The following SCRIB variants were observed in gnomAD, a reference collection of about 807,000 sequenced individuals.
The protein encoded by SCRIB is scribble planar cell polarity protein, also known as protein scribble homolog.
Under a neutral mutation model 170.0 loss-of-function variants are expected in SCRIB, and 72 were observed. That is an observed-to-expected ratio of 0.42 (90% CI 0.35 to 0.52). The LOEUF is 0.52. SCRIB is among the 20% of genes least tolerant of loss of function. The pLI, the probability that SCRIB is intolerant of heterozygous loss-of-function variation, is 0.02. For missense variants in SCRIB, 2,475 were observed against 2,338.5 expected, an observed-to-expected ratio of 1.06 and a Z score of -1.20; for synonymous variants, 1,298 against 1,044.3, an observed-to-expected ratio of 1.24 and a Z score of -4.68.
intron 27 of SCRIB, among the ~76,000 whole-genome samples, chr8:143,794,599 A>T (rs11993154): frequency 6.6e-6 from 1 of 151,722 alleles, no homozygotes; most frequent in Non-Finnish European, 1.5e-5. Flanking sequence ...TGTATCTCTA[A>T]GGGGAGGGAT....
intron 14 of SCRIB, among the ~76,000 whole-genome samples, 180 bp from the exon 15 acceptor site, chr8:143,809,205 G>A (rs1344862275): frequency 6.6e-6 from 1 of 152,184 alleles, no homozygotes; most frequent in Non-Finnish European, 1.5e-5. Context: ...AAGGCCAGGG[G>A]CTCATCCTGG....
chr8:143,813,858 C>T lies in SCRIB; in HGVS notation c.316G>A (p.Ala106Thr). The change falls in exon 3 of 37, where the codon GCT (alanine) becomes ACT (threonine). Residue 106 changes from alanine (A) to threonine (T), a missense_variant. Around this residue, in one of 3 missense-constraint regions of SCRIB, gnomAD observed 487 missense variants for 558.1 expected, o/e 0.87. Coordinates refer to ENST00000356994, the MANE Select transcript of SCRIB (RefSeq NM_182706.5). ...EIPESIKFCKALEIADFSGNP... is the reference protein window; with the variant it reads ...EIPESIKFCKTLEIADFSGNP... ...CCGCTGAAGTCCGCGATCTCCAGAGCCTTGCAGAACTTGATGCTCTCCGGG... is the reference window on the plus strand; with the variant it reads ...CCGCTGAAGTCCGCGATCTCCAGAGTCTTGCAGAACTTGATGCTCTCCGGG... 6.2e-7 allele frequency: 1 copy of T among 1,609,660 alleles called. No individual in the cohort carries two copies. The highest frequency in any genetic ancestry group is 8.5e-7 in the Non-Finnish European group (1 of 1,177,234).
rs781972984 is a variant in SCRIB at position 143,791,915 on chromosome 8, TG to T, written c.4658-3del. 2.8e-6 allele frequency: 4 copies of T among 1,413,218 alleles called. No homozygotes were observed. Among genetic ancestry groups the T allele is most frequent in the East Asian group, 2.7e-5 (1 of 37,444 alleles). 87.5% of individuals were successfully genotyped at this position (1,413,218 alleles called of 1,614,324 possible). A position where few individuals can be genotyped will look rare whatever the true frequency, so the allele number is the denominator to read the frequency against. On this transcript the variant is annotated splice_polypyrimidine_tract_variant and splice_region_variant and intron_variant, in intron 33 of 36. Transcript: ENST00000356994. ...AGGTGCTGGTCTGGGGGCCGAGGTC[TG>T]GGGGGACAAGAAGCGGGCATTGGAA...
At chr8:143,794,229 G>A (rs975180638) in intron 27 of SCRIB, 4 of 485,586 alleles carry the variant, frequency 8.2e-6, no homozygotes, top group Non-Finnish European at 1.5e-5. Flanking sequence ...GGAGCAGACA[G>A]GACAGCCGGA....
In SCRIB at chr8:143,812,260, C is replaced by G; in HGVS notation, c.906+6G>C. 6.3e-7 allele frequency: 1 copy of G among 1,580,838 alleles called. No individual in the cohort carries two copies. The highest frequency in any genetic ancestry group is 8.7e-7 in the Non-Finnish European group (1 of 1,149,754). On this transcript the variant is annotated splice_donor_region_variant and intron_variant, in intron 9 of 36. Transcript: ENST00000356994. ...CATCCTTTCTGCCTCCCAAGCCAGACCCTACCATCAGCAGGTTCTCCGTGA... is the reference window on the plus strand; with the variant it reads ...CATCCTTTCTGCCTCCCAAGCCAGAGCCTACCATCAGCAGGTTCTCCGTGA...
chr8:143,801,927 A>G (rs1211029358), intron 24 of SCRIB, among the ~76,000 whole-genome samples: 1 of 152,194 alleles, frequency 6.6e-6, no homozygotes, highest in Admixed American at 6.5e-5. Flanking sequence ...GGCCAGATGC[A>G]AGGACAACCT....
At position 143,804,325 on chromosome 8, in the gene SCRIB, C is replaced by T. The variant is rs892857778; in HGVS notation, c.3010-169G>A. Among the ~76,000 whole-genome samples, 5 of 152,242 alleles carry T rather than the reference C, an allele frequency of 3.3e-5. No homozygotes were observed. The South Asian group carries it at 6.2e-4, about 19-fold the overall frequency. On this transcript the variant is annotated intron_variant, in intron 21 of 36. Coordinates refer to ENST00000356994, the MANE Select transcript of SCRIB (RefSeq NM_182706.5). Reference sequence around the variant, plus strand: ...TTCTGCTGCCCAGGCAGGCACGCAGCGTGAGGACAATATCCTCGCTGACTG... The same window carrying T: ...TTCTGCTGCCCAGGCAGGCACGCAGTGTGAGGACAATATCCTCGCTGACTG...
In SCRIB at chr8:143,791,785, G is replaced by C. The variant is rs782685432; in HGVS notation, c.4696-45C>G. On this transcript the variant is annotated intron_variant, in intron 34 of 36. Coordinates refer to ENST00000356994, the MANE Select transcript of SCRIB (RefSeq NM_182706.5). ...GGGAGAGGCAGAGAGTGAGAGGAAA[G>C]GGGGGGATGAGGGCCACGGGGGTGG... The C allele has an allele frequency of 4.0e-6, 6 of 1,503,520 alleles. No homozygotes were observed. In the African/African-American group the frequency reaches 6.9e-5, roughly 17 times the overall value. The allele number at this position is 1,503,520 out of a possible 1,614,324, so 93.1% of individuals were successfully genotyped here. A position where few individuals can be genotyped will look rare whatever the true frequency, so the allele number is the denominator to read the frequency against.
intron 17 of SCRIB, among the ~76,000 whole-genome samples, 190 bp downstream of exon 17, chr8:143,806,734 G>A (rs537238849): frequency 6.6e-6 from 1 of 152,344 alleles, no homozygotes; most frequent in Middle Eastern, 3.4e-3. Context: ...GGGCTGTGAA[G>A]GGAAGACAGA....
At position 143,798,663 on chromosome 8, in the gene SCRIB, AG is replaced by A. The variant is rs1446696860; in HGVS notation, c.3604-3134del. 2.0e-5 allele frequency among the ~76,000 whole-genome samples: 3 copies of A among 152,354 alleles called. No homozygotes were observed. The East Asian group carries it at 5.8e-4, about 29-fold the overall frequency. On this transcript the variant is annotated intron_variant, in intron 24 of 36. Coordinates refer to ENST00000356994, the MANE Select transcript of SCRIB (RefSeq NM_182706.5). ...GAAAAAGTATAAAATTACAAAAGTT[AG>A]TAAAAACCCTACAATCTTAAATGAG...
In SCRIB at chr8:143,804,149, C is replaced by T. The variant is rs782313329; in HGVS notation, c.3017G>A (p.Arg1006His). 52 of 1,607,896 alleles carry T rather than the reference C, an allele frequency of 3.2e-5. No individual in the cohort carries two copies. Among genetic ancestry groups the T allele is most frequent in the East Asian group, 4.5e-5 (2 of 44,742 alleles). ...CAGAGGGCCCCCAGCTCTTGGCAGA[C>T]GGATCTCCTGGGGATTTAGGGCGGG... is the stretch of plus-strand genomic sequence containing the variant. ...LEGPYPVEEI[R>H]LPRAGGPLGL... Residue 1006 changes from arginine (R) to histidine (H), a missense_variant, in exon 22 of 37, where the codon CGT (arginine) becomes CAT (histidine). Coordinates refer to ENST00000356994, the MANE Select transcript of SCRIB (RefSeq NM_182706.5).
In SCRIB at chr8:143,812,976, A is replaced by G. The variant is rs760012642; in HGVS notation, c.643-15T>C. The G allele has an allele frequency of 1.2e-6, 2 of 1,612,516 alleles. No individual in the cohort carries two copies. Among genetic ancestry groups the G allele is most frequent in the Admixed American group, 1.7e-5 (1 of 59,940 alleles). ...TTCCCGAGCTCCTGCAGGTGGGCAG[A>G]GAGTCAGAGCGCGGATGGGCACGAA... On this transcript the variant is annotated splice_polypyrimidine_tract_variant and intron_variant, in intron 7 of 36. Coordinates refer to ENST00000356994, the MANE Select transcript of SCRIB (RefSeq NM_182706.5).
intron 13 of SCRIB, 108 bp downstream of exon 13, chr8:143,810,371 C>T: frequency 6.8e-7 from 1 of 1,472,110 alleles, no homozygotes; most frequent in Non-Finnish European, 9.2e-7. Context: ...TCATCTCCTG[C>T]TCCTTCTCTG....
chr8:143,795,234 G>A (rs202144959), intron 26 of SCRIB, 43 bp downstream of exon 26: 18 of 1,609,988 alleles, frequency 1.1e-5, no homozygotes, highest in East Asian at 2.2e-5. Context: ...TGTGCACCCC[G>A]CTCCAGTGCC....
Position 143,815,614 on chromosome 8 carries a change from G to C in SCRIB, c.-242C>G. On this transcript the variant is annotated 5_prime_UTR_variant, in exon 1 of 37. Coordinates refer to ENST00000356994, the MANE Select transcript of SCRIB (RefSeq NM_182706.5). The stretch of plus-strand genomic sequence containing the variant: ...GGGTCTCAGACTCTTAGGAAGCGCG[G>C]GGAGCGGCGGCGGCGGCGGCTCCGC... The C allele has an allele frequency of 1.0e-6, 1 of 982,432 alleles. No homozygotes were observed. The highest frequency in any genetic ancestry group is 1.2e-6 in the Non-Finnish European group (1 of 828,608). 60.9% of individuals were successfully genotyped at this position (982,432 alleles called of 1,614,324 possible). A position where few individuals can be genotyped will look rare whatever the true frequency, so the allele number is the denominator to read the frequency against.
At position 143,792,996 on chromosome 8, in the gene SCRIB, G is replaced by A; in HGVS notation, c.3997C>T (p.Pro1333Ser). The A allele has an allele frequency of 6.6e-7, 1 of 1,514,050 alleles. No homozygotes were observed. Among genetic ancestry groups the A allele is most frequent in the Admixed American group, 2.3e-5 (1 of 44,116 alleles). The allele number at this position is 1,514,050 out of a possible 1,614,324, so 93.8% of individuals were successfully genotyped here. Residue 1333 changes from proline to serine, a missense_variant, in exon 29 of 37, where the codon CCT becomes TCT. Pro to Ser is a moderately conservative substitution (Grantham distance 74). Coordinates refer to ENST00000356994, the MANE Select transcript of SCRIB (RefSeq NM_182706.5). ...CACACCTGGGCAGGGGCATCCTCAG[G>A]CGGGTGAGAAGTGGGCACGGCCGCG... ...AFAAVPTSHP[P>S]EDAPAQPPTP... is the part of the protein sequence containing the mutation.
Position 143,810,558 on chromosome 8 carries a change from A to G in SCRIB, c.1451T>C (p.Met484Thr). 1.2e-6 allele frequency: 2 copies of G among 1,613,580 alleles called. No homozygotes were observed. Among genetic ancestry groups the G allele is most frequent in the Non-Finnish European group, 1.7e-6 (2 of 1,179,972 alleles). The change falls in exon 13 of 37, where the codon ATG becomes ACG. Residue 484 changes from methionine to threonine, a missense_variant. Around this residue, in one of 3 missense-constraint regions of SCRIB, gnomAD observed 1,966 missense variants for 1,742.9 expected, o/e 1.13. Coordinates refer to ENST00000356994, the MANE Select transcript of SCRIB (RefSeq NM_182706.5). ...ATPHPSELKV[M>T]KRSIEGRRSE... ...CCGCCGCCCCTCGATGCTCCTCTTC[A>G]TCACCTTGAGCTCGCTGGGGTGAGG...
chr8:143,807,533 CA>C lies in SCRIB; in HGVS notation c.2178+18del. The C allele has an allele frequency of 6.2e-7, 1 of 1,608,904 alleles. No homozygotes were observed. Among genetic ancestry groups the C allele is most frequent in the Non-Finnish European group, 8.5e-7 (1 of 1,175,402 alleles). ...GGCCAGCAGCGGCCCGGCCAGAGTG[CA>C]GAGCGAGCAGTACAGACCTCTTCCT... On this transcript the variant is annotated intron_variant, in intron 16 of 36. Transcript: ENST00000356994.
intron 24 of SCRIB, among the ~76,000 whole-genome samples, 184 bp from the exon 25 acceptor site, chr8:143,795,714 G>A (rs887726960): frequency 3.9e-5 from 6 of 152,224 alleles, no homozygotes; most frequent in African/African-American, 1.4e-4. Context: ...CCAGGACGCT[G>A]CAGCACTGTC....
Sources: allele counts gnomAD v4.1 joint callset (sites outside exome capture counted in the v4.1 genomes callset), GRCh38; gene constraint gnomAD v4.1.1; regional missense constraint gnomAD v4.1.1; transcripts MANE v1.5; gene names NCBI Gene and HGNC (gene_info 2026-07-23, HGNC 2026-07-21).